Variants in PLBD2 observed in about 807,000 individuals in gnomAD.
The protein encoded by PLBD2 is putative aminopeptidase PLBD2.
PLBD2 carries 51 observed loss-of-function variants against 68.3 expected under a neutral mutation model. The ratio of observed to expected loss-of-function variants is 0.75; its 90% CI spans 0.60 to 0.94. PLBD2 has a LOEUF of 0.94. Ranked by LOEUF, PLBD2 falls within the 40% of genes least tolerant of loss-of-function variation. The pLI is 0.00. For missense variants in PLBD2, 729 were observed against 792.2 expected (o/e 0.92, Z 0.96); for synonymous variants, 314 against 339.3 (o/e 0.93, Z 0.82).
In PLBD2 at chr12:113,375,108, C is replaced by T. The variant is rs570935706; in HGVS notation, c.859+101C>T. On this transcript the variant is annotated intron_variant, in intron 5 of 11. Coordinates refer to ENST00000280800, the MANE Select transcript of PLBD2 (RefSeq NM_173542.4). The stretch of plus-strand genomic sequence containing the variant: ...GGGCCTTGGAAACCCTCCCAACACA[C>T]GGAGTCACTGCAGGGATATTCCAAG... 144 of 1,042,592 alleles carry T rather than the reference C, an allele frequency of 1.4e-4. 1 individual carries two copies. Among genetic ancestry groups the T allele is most frequent in the African/African-American group, 6.8e-4 (43 of 63,146 alleles). The allele number at this position is 1,042,592 out of a possible 1,614,324, so 64.6% of individuals were successfully genotyped here.
At chr12:113,379,036 C>T (rs575771614) in intron 5 of PLBD2, among the ~76,000 whole-genome samples, 3 of 151,960 alleles carry the variant, frequency 2.0e-5, no homozygotes, top group East Asian at 2.0e-4. Context: ...AGGCCAGACG[C>T]GGTGGCTCAT....
intron 1 of PLBD2, among the ~76,000 whole-genome samples, chr12:113,363,601 G>A (rs941519128): frequency 6.0e-5 from 9 of 148,798 alleles, no homozygotes; most frequent in African/African-American, 1.7e-4. Context: ...TCAGTGGCGC[G>A]ATTTCGGGTC....
rs1957260260 is a variant in PLBD2, at chr12:113,358,859, GCCAACC to G, written c.260_265del (p.Ala87_Leu89delinsVal). The G allele has an allele frequency of 6.6e-7, 1 of 1,525,174 alleles. No homozygotes were observed. The highest frequency in any genetic ancestry group is 8.8e-7 in the Non-Finnish European group (1 of 1,138,698). The allele number at this position is 1,525,174 out of a possible 1,614,324, so 94.5% of individuals were successfully genotyped here. A position where few individuals can be genotyped will look rare whatever the true frequency, so the allele number is the denominator to read the frequency against. On this transcript the variant is annotated inframe_deletion, in exon 1 of 12. Transcript: ENST00000280800. Reference sequence around the variant, plus strand: ...ACGCCACCCTGACGCCGTGGCCTGGGCCAACCTCACCAACGCCATCCGCGAGACTGG... The same window carrying G: ...ACGCCACCCTGACGCCGTGGCCTGGGTCACCAACGCCATCCGCGAGACTGG...
At chr12:113,369,977 G>A (rs567810643) in intron 2 of PLBD2, among the ~76,000 whole-genome samples, 1 of 151,384 alleles carries the variant, frequency 6.6e-6, no homozygotes, top group Non-Finnish European at 1.5e-5. Context: ...TCGGCTCACT[G>A]CAACCTCTGC....
intron 5 of PLBD2, 97 bp downstream of exon 5, chr12:113,375,104 C>A: frequency 9.5e-7 from 1 of 1,054,228 alleles, no homozygotes; most frequent in Non-Finnish European, 1.4e-6. Flanking sequence ...ACCCTCCCAA[C>A]ACACGGAGTC....
intron 5 of PLBD2, among the ~76,000 whole-genome samples, chr12:113,379,078 G>A (rs1957460045): frequency 6.6e-6 from 1 of 152,124 alleles, no homozygotes; most frequent in Non-Finnish European, 1.5e-5. Flanking sequence ...GGAGGCCGAG[G>A]CTGGTGGATC....
chr12:113,375,108 C>G, intron 5 of PLBD2, 101 bp downstream of exon 5: 4 of 1,042,594 alleles, frequency 3.8e-6, no homozygotes, highest in Non-Finnish European at 5.8e-6. Flanking sequence ...TCCCAACACA[C>G]GGAGTCACTG....
chr12:113,374,388 C>G (rs1320072067), intron 3 of PLBD2, 86 bp from the exon 4 acceptor site: 1 of 937,650 alleles, frequency 1.1e-6, no homozygotes, highest in Non-Finnish European at 1.7e-6. Context: ...TCTGAACCCC[C>G]AGGCCAGAGC....
Position 113,388,865 on chromosome 12 carries a change from ACT to A in PLBD2, c.*244_*245del, listed in dbSNP as rs1401322716. ...TCTTCTGCCCTGCCCTAAATCTCCC[ACT>A]CTCTGTTTCTGTCTGTTTCCTACTG... On this transcript the variant is annotated 3_prime_UTR_variant, in exon 12 of 12. Transcript: ENST00000280800. The A allele has an allele frequency of 2.5e-6, 1 of 404,902 alleles. No individual in the cohort carries two copies. The highest frequency in any genetic ancestry group is 4.3e-6 in the Non-Finnish European group (1 of 230,502). 25.1% of individuals were successfully genotyped at this position (404,902 alleles called of 1,614,324 possible). A position where few individuals can be genotyped will look rare whatever the true frequency, so the allele number is the denominator to read the frequency against.
At position 113,385,231 on chromosome 12, in the gene PLBD2, G is replaced by A. The variant is rs746513322; in HGVS notation, c.1234G>A (p.Asp412Asn). The A allele has an allele frequency of 1.5e-5, 24 of 1,614,032 alleles. No homozygotes were observed. The highest frequency in any genetic ancestry group is 1.9e-5 in the Non-Finnish European group (23 of 1,180,014). ...EQIPGMVVVA[D>N]KTSELYQKTY... ...TCTCAGCGGCATGGTGGTGGTGGCT[G>A]ACAAGACCTCGGAGCTCTACCAGAA... is the stretch of plus-strand genomic sequence containing the variant. Residue 412 changes from aspartate to asparagine, a missense_variant, in exon 9 of 12, where the codon GAC becomes AAC. Transcript: ENST00000280800.
At chr12:113,365,302 C>G (rs1406797303) in intron 1 of PLBD2, among the ~76,000 whole-genome samples, 2 of 152,090 alleles carry the variant, frequency 1.3e-5, no homozygotes, top group South Asian at 4.2e-4. Flanking sequence ...GAATAAAACC[C>G]ATGTCATACG....
chr12:113,358,610 C>G lies in PLBD2; in HGVS notation c.10C>G (p.Gln4Glu), dbSNP rs371619381. The G allele has an allele frequency of 3.5e-5, 51 of 1,471,054 alleles. No homozygotes were observed. Among genetic ancestry groups the G allele is most frequent in the East Asian group, 2.1e-4 (7 of 33,252 alleles). 91.1% of individuals were successfully genotyped at this position (1,471,054 alleles called of 1,614,324 possible). A position where few individuals can be genotyped will look rare whatever the true frequency, so the allele number is the denominator to read the frequency against. The change falls in exon 1 of 12, where the codon CAG becomes GAG. Residue 4 changes from glutamine to glutamate, a missense_variant. Coordinates refer to ENST00000280800, the MANE Select transcript of PLBD2 (RefSeq NM_173542.4). ...GCAGCATTGTGCGGTCATGGTGGGC[C>G]AGATGTACTGCTACCCCGGCAGCCA... MVGQMYCYPGSHLA... is the reference protein window; with the variant it reads MVGEMYCYPGSHLA...
chr12:113,384,307 G>C lies in PLBD2; in HGVS notation c.1118+42G>C, dbSNP rs977135605. The C allele has an allele frequency of 6.4e-7, 1 of 1,574,094 alleles. No individual in the cohort carries two copies. The highest frequency in any genetic ancestry group is 1.8e-5 in the Admixed American group (1 of 56,038). ...CCCTGTGGCTTCCCCTGCACCAAGA[G>C]ATAGACCAACCTCCCCTTTAACACT... On this transcript the variant is annotated intron_variant, in intron 7 of 11. Transcript: ENST00000280800. This position sits in a 1 kb window ranked among gnomAD's most constrained non-coding sequence, Gnocchi z 4.2.
intron 1 of PLBD2, among the ~76,000 whole-genome samples, chr12:113,360,743 C>A (rs989429745): frequency 6.6e-6 from 1 of 152,248 alleles, no homozygotes; most frequent in Non-Finnish European, 1.5e-5. Context: ...GCAACCTCCC[C>A]ACCCTGGGTT....
chr12:113,360,598 G>C (rs1310531252), intron 1 of PLBD2, among the ~76,000 whole-genome samples: 1 of 152,234 alleles, frequency 6.6e-6, no homozygotes, highest in Admixed American at 6.5e-5. Flanking sequence ...TATCAAGGTA[G>C]GACCAAAAGG....
At chr12:113,363,537 C>CTTTTTT (rs1224575042) in intron 1 of PLBD2, among the ~76,000 whole-genome samples, 1 of 133,504 alleles carries the variant, frequency 7.5e-6, no homozygotes, top group Admixed American at 7.7e-5. Flanking sequence ...ACATTTTTAG[C>CTTTTTT]TTTTTTTTTT....
chr12:113,369,120 G>A lies in PLBD2; in HGVS notation c.295G>A (p.Ala99Thr). 6.3e-7 allele frequency: 1 copy of A among 1,593,070 alleles called. No homozygotes were observed. Among genetic ancestry groups the A allele is most frequent in the East Asian group, 2.3e-5 (1 of 44,106 alleles). ...LTNAIRETGW[A>T]FLELGTSGQY... ...TGTCCCCTCCTTCCCCTCCAGGTGG[G>A]CCTTCCTGGAGCTGGGCACAAGTGG... Residue 99 changes from alanine to threonine, a missense_variant, in exon 2 of 12, where the codon GCC becomes ACC. Transcript: ENST00000280800.
intron 10 of PLBD2, 115 bp downstream of exon 10, chr12:113,387,204 C>A: frequency 2.2e-6 from 3 of 1,347,828 alleles, no homozygotes; most frequent in Non-Finnish European, 3.0e-6. Context: ...AGAGGGCCAG[C>A]AGGGGGTGGT....
intron 10 of PLBD2, among the ~76,000 whole-genome samples, chr12:113,387,369 G>A (rs576325693): frequency 6.6e-6 from 1 of 152,320 alleles, no homozygotes; most frequent in South Asian, 2.1e-4. Flanking sequence ...TAGAAAACCT[G>A]TGCCCCACTG....
Sources: allele counts gnomAD v4.1 joint callset (sites outside exome capture counted in the v4.1 genomes callset), GRCh38; gene constraint gnomAD v4.1.1; non-coding constraint Gnocchi (gnomAD v3.1); transcripts MANE v1.5; gene names NCBI Gene and HGNC (gene_info 2026-07-23, HGNC 2026-07-21).